TTLL7: variants seen among roughly 807,000 people sequenced by gnomAD.
TTLL7 encodes tubulin tyrosine ligase like 7, also known as tubulin polyglutamylase TTLL7.
Under a neutral mutation model 120.2 loss-of-function variants are expected in TTLL7, and 53 were observed. The observed-to-expected ratio is 0.44, with a 90% CI of 0.35 to 0.55. The LOEUF is 0.55. Among genes scored for constraint, TTLL7 ranks in the 20% least tolerant of loss-of-function variants. The probability of loss-of-function intolerance (pLI) is 0.00; values close to 1 mark genes in which losing one functional copy is unlikely to be tolerated. For missense variants in TTLL7, 803 were observed against 1,054.7 expected (o/e 0.76, Z 3.31); for synonymous variants, 353 against 351.7 (o/e 1.00, Z -0.04).
At chr1:83,890,611 G>T in intron 18 of TTLL7, 130 bp from the exon 19 acceptor site, 1 of 628,586 alleles carries the variant, frequency 1.6e-6, no homozygotes, top group Non-Finnish European at 2.5e-6. Flanking sequence ...CTACAAAACT[G>T]TTTTAAAAAT....
chr1:83,871,670 C>T (rs1008633237), intron 20 of TTLL7, among the ~76,000 whole-genome samples: 6 of 151,884 alleles, frequency 4.0e-5, no homozygotes, highest in Admixed American at 1.3e-4. Flanking sequence ...CCGAGACGGG[C>T]GGATCACGAG....
intron 9 of TTLL7, 58 bp downstream of exon 9, chr1:83,933,549 AT>A: frequency 6.5e-7 from 1 of 1,539,000 alleles, no homozygotes; most frequent in South Asian, 1.2e-5. Flanking sequence ...TTTTTAAAGC[AT>A]TTATTTTAAT....
intron 18 of TTLL7, among the ~76,000 whole-genome samples, chr1:83,894,850 CTT>C (rs1388993614): frequency 1.3e-5 from 2 of 152,050 alleles, no homozygotes; most frequent in African/African-American, 4.8e-5. Flanking sequence ...CTTTGCTTCT[CTT>C]TGCTTTCAGT....
intron 19 of TTLL7, among the ~76,000 whole-genome samples, chr1:83,886,719 CT>C (rs1160944522): frequency 6.6e-6 from 1 of 151,842 alleles, no homozygotes; most frequent in African/African-American, 2.4e-5. Context: ...GGAGATGGGG[CT>C]TTCCCAAACC....
chr1:83,916,226 G>A (rs1452469260), intron 14 of TTLL7, among the ~76,000 whole-genome samples: 2 of 152,106 alleles, frequency 1.3e-5, no homozygotes, highest in Non-Finnish European at 2.9e-5. Flanking sequence ...CAATAGCAAA[G>A]ACTTGGAACC....
At chr1:83,929,632 A>G (rs1347112034) in intron 9 of TTLL7, among the ~76,000 whole-genome samples, 1 of 152,194 alleles carries the variant, frequency 6.6e-6, no homozygotes, top group Non-Finnish European at 1.5e-5. Context: ...TATCAACACA[A>G]TAATAATTAT....
chr1:83,893,157 G>T (rs1655924312), intron 18 of TTLL7, among the ~76,000 whole-genome samples: 2 of 151,672 alleles, frequency 1.3e-5, no homozygotes, highest in African/African-American at 4.8e-5. Context: ...TTCACAGGTG[G>T]TATAATAAAC....
chr1:83,986,357 G>C (rs913161659), intron 1 of TTLL7, among the ~76,000 whole-genome samples: 2 of 152,020 alleles, frequency 1.3e-5, no homozygotes, highest in Non-Finnish European at 2.9e-5. Flanking sequence ...AATAAGCTAA[G>C]AAAGAAAAAT....
intron 10 of TTLL7, among the ~76,000 whole-genome samples, chr1:83,926,052 T>C (rs1659079829): frequency 6.7e-6 from 1 of 149,134 alleles, no homozygotes; most frequent in African/African-American, 2.5e-5. Flanking sequence ...ACCTGGGAGA[T>C]GGAGGTTGCA....
At chr1:83,933,150 C>T (rs1207566685) in intron 9 of TTLL7, among the ~76,000 whole-genome samples, 1 of 152,016 alleles carries the variant, frequency 6.6e-6, no homozygotes, top group African/African-American at 2.4e-5. Context: ...AAATTTACCA[C>T]CTGGGGTATC....
At chr1:83,898,374 T>G (rs996670014) in intron 18 of TTLL7, among the ~76,000 whole-genome samples, 6 of 151,990 alleles carry the variant, frequency 3.9e-5, no homozygotes, top group Non-Finnish European at 8.8e-5. Context: ...GATGTCTCAC[T>G]TAAGCACAAG....
chr1:83,947,182 T>C lies in TTLL7; in HGVS notation c.448A>G (p.Lys150Glu). 1 of 1,613,528 alleles carries C rather than the reference T, an allele frequency of 6.2e-7. No individual in the cohort carries two copies. The highest frequency in any genetic ancestry group is 8.5e-7 in the Non-Finnish European group (1 of 1,179,772). ...ATAAAAGTTTTCTGCTTCCGTTTTT[T>C]CTTCAATTCTTTCACATAATTTTGG... is the stretch of plus-strand genomic sequence containing the variant. ...QFQNYVKELK[K>E]KRKQKTFIVK... Residue 150 changes from lysine (K) to glutamate (E), a missense_variant, in exon 6 of 21, where the codon AAA (lysine) becomes GAA (glutamate). Physicochemically the swap from Lys to Glu is moderately conservative, Grantham distance 56. Coordinates refer to ENST00000260505, the MANE Select transcript of TTLL7 (RefSeq NM_024686.6).
chr1:83,969,327 T>C (rs1650760592), intron 1 of TTLL7, among the ~76,000 whole-genome samples: 2 of 151,954 alleles, frequency 1.3e-5, no homozygotes. Flanking sequence ...GTTACATTAC[T>C]AAACTTAAAA....
In TTLL7 at chr1:83,973,936, T is replaced by C. The variant is rs569348616; in HGVS notation, c.-176-21549A>G. Among the ~76,000 whole-genome samples the C allele has an allele frequency of 1.6e-4, 24 of 151,960 alleles. 1 individual carries two copies. The highest frequency in any genetic ancestry group is 2.2e-4 in the Non-Finnish European group (15 of 67,906). On this transcript the variant is annotated intron_variant, in intron 1 of 20. Coordinates refer to ENST00000260505, the MANE Select transcript of TTLL7 (RefSeq NM_024686.6). Reference sequence around the variant, plus strand: ...TCTGGGGTGCTGGAAATGTTCTCTATCTTGACCAGGGTTATGCTTATACAA... The same window carrying C: ...TCTGGGGTGCTGGAAATGTTCTCTACCTTGACCAGGGTTATGCTTATACAA...
intron 1 of TTLL7, among the ~76,000 whole-genome samples, chr1:83,967,325 CAAACTTG>C (rs148914264): frequency 0.42 from 64,182 of 151,384 alleles, 15,099 homozygotes; most frequent in Non-Finnish European, 0.53. Flanking sequence ...CAACAGTTCT[CAAACTTG>C]AATGTGCACA....
chr1:83,904,752 A>G (rs1456982935), intron 17 of TTLL7, among the ~76,000 whole-genome samples: 4 of 152,146 alleles, frequency 2.6e-5, no homozygotes, highest in African/African-American at 9.6e-5. Flanking sequence ...TTTATCATTC[A>G]TAGTAATAAA....
chr1:83,990,883 G>A (rs1652932814), intron 1 of TTLL7, among the ~76,000 whole-genome samples: 2 of 152,196 alleles, frequency 1.3e-5, no homozygotes, highest in South Asian at 4.1e-4. Flanking sequence ...GTCTTGAAGA[G>A]GTATTTGCAT....
At chr1:83,892,461 A>G (rs1655669899) in intron 18 of TTLL7, among the ~76,000 whole-genome samples, 1 of 45,810 alleles carries the variant, frequency 2.2e-5, no homozygotes, top group African/African-American at 5.1e-5. Context: ...AACATATATG[A>G]ACATATATAT....
chr1:83,887,236 G>A (rs548352029), intron 19 of TTLL7: 2 of 1,210,812 alleles, frequency 1.7e-6, no homozygotes, highest in African/African-American at 1.6e-5. Context: ...TTGGATTCTT[G>A]GATATAATCA....
Sources: gnomAD v4.1 joint callset for allele counts (sites outside exome capture counted in the v4.1 genomes callset) on GRCh38, gnomAD v4.1.1 for gene constraint, MANE v1.5 for transcripts, NCBI Gene and HGNC (gene_info 2026-07-23, HGNC 2026-07-21) for gene names.